The following ROBO1 variants were observed in gnomAD, a reference collection of about 807,000 sequenced individuals.
ROBO1 encodes the protein roundabout guidance receptor 1, also known as roundabout homolog 1.
In ROBO1, 149 loss-of-function variants were observed where a neutral mutation model predicts 195.9. The ratio of observed to expected loss-of-function variants is 0.76; its 90% confidence interval spans 0.67 to 0.87. ROBO1 has a LOEUF of 0.87. Ranked by LOEUF, ROBO1 falls within the 40% of genes least tolerant of loss-of-function variation. The pLI is 0.00. For synonymous variants in ROBO1, 816 were observed against 733.2 expected (o/e 1.11, Z -1.82); for missense variants, 1,933 against 2,068.3 (o/e 0.93, Z 1.27).
Position 79,297,383 on chromosome 3 carries a change from T to C in ROBO1, c.89-171844A>G, listed in dbSNP as rs373313185. 1.6e-4 allele frequency among the ~76,000 whole-genome samples: 24 copies of C among 152,280 alleles called. No individual in the cohort carries two copies. The South Asian group carries it at 5.0e-3, about 32-fold the overall frequency. On this transcript the variant is annotated intron_variant, in intron 2 of 30. Coordinates refer to ENST00000464233, the MANE Select transcript of ROBO1 (RefSeq NM_002941.4). ...TGATTCACAGTGCTATAGGGACAAT[T>C]ACATAACTGTTTGACTTTTGCAAAA...
At chr3:79,144,763 T>C (rs947213839) in intron 2 of ROBO1, among the ~76,000 whole-genome samples, 1 of 152,014 alleles carries the variant, frequency 6.6e-6, no homozygotes, top group Non-Finnish European at 1.5e-5. Flanking sequence ...CCTTTTTCCA[T>C]TAATGGTAGC....
chr3:78,651,715 C>T lies in ROBO1; in HGVS notation c.2812+17G>A, dbSNP rs551849111. ...TTTATAAACATTAAAATATGAAAAC[C>T]TTGGGAAAGCTAATACCTTTTCTGA... On this transcript the variant is annotated intron_variant, in intron 19 of 30. Transcript: ENST00000464233. The T allele has an allele frequency of 4.5e-5, 68 of 1,520,616 alleles. No individual in the cohort carries two copies. The highest frequency in any genetic ancestry group is 5.7e-5 in the Non-Finnish European group (65 of 1,131,774). The allele number at this position is 1,520,616 out of a possible 1,614,324, so 94.2% of individuals were successfully genotyped here.
intron 1 of ROBO1, among the ~76,000 whole-genome samples, chr3:79,732,260 C>A (rs1374988315): frequency 6.6e-6 from 1 of 151,576 alleles, no homozygotes; most frequent in African/African-American, 2.4e-5. Flanking sequence ...ATAAAAATAT[C>A]GTTACACATG....
In ROBO1 at chr3:79,235,211, TA is replaced by T. The variant is rs564033050; in HGVS notation, c.89-109673del. On this transcript the variant is annotated intron_variant, in intron 2 of 30. Coordinates refer to ENST00000464233, the MANE Select transcript of ROBO1 (RefSeq NM_002941.4). ...GTCTTCTTGAATAATGTTTCAAATT[TA>T]TAAAATTATACACAGTAGTCTAAAC... Among the ~76,000 whole-genome samples, 1,369 of 152,258 alleles carry T rather than the reference TA, an allele frequency of 9.0e-3. 20 individuals carry two copies. The highest frequency in any genetic ancestry group is 0.031 in the African/African-American group (1,293 of 41,556).
At position 79,248,519 on chromosome 3, in the gene ROBO1, T is replaced by G. The variant is rs370161446; in HGVS notation, c.89-122980A>C. On this transcript the variant is annotated intron_variant, in intron 2 of 30. Coordinates refer to ENST00000464233, the MANE Select transcript of ROBO1 (RefSeq NM_002941.4). The stretch of plus-strand genomic sequence containing the variant: ...CTTCATGCAGAATAAATACGTGGTG[T>G]GGCATTTTGATTTTATTCTAAGTCT... 2.6e-5 allele frequency among the ~76,000 whole-genome samples: 4 copies of G among 152,076 alleles called. No homozygotes were observed. The East Asian group carries it at 7.7e-4, about 29-fold the overall frequency.
chr3:78,739,485 A>C (rs1434903889), intron 5 of ROBO1, among the ~76,000 whole-genome samples: 1 of 152,182 alleles, frequency 6.6e-6, no homozygotes, highest in Non-Finnish European at 1.5e-5. Context: ...CAGTTGAATA[A>C]CTTACTGATT....
chr3:78,813,275 C>A (rs1210436263), intron 4 of ROBO1, among the ~76,000 whole-genome samples: 2 of 151,636 alleles, frequency 1.3e-5, no homozygotes, highest in African/African-American at 4.8e-5. Context: ...ACTTTGATAA[C>A]AAAATGAATA....
At chr3:79,221,014 T>TA (rs144646492) in intron 2 of ROBO1, among the ~76,000 whole-genome samples, 3,327 of 152,110 alleles carry the variant, frequency 0.022, 113 homozygotes, top group African/African-American at 0.074. Context: ...ATCCAGACAT[T>TA]ACCAAATGCT....
chr3:79,018,259 C>A lies in ROBO1; in HGVS notation c.173-79332G>T, dbSNP rs1027674827. On this transcript the variant is annotated intron_variant, in intron 3 of 30. Transcript: ENST00000464233. ...GACAACCCCAAATGCGAACTAGGAA[C>A]ATTTTCGCCTAAAAGTCTAGCAGGA... 14 of 877,680 alleles carry A rather than the reference C, an allele frequency of 1.6e-5. No individual in the cohort carries two copies. The African/African-American group carries it at 2.2e-4, about 14-fold the overall frequency. The allele number at this position is 877,680 out of a possible 1,614,324, so 54.4% of individuals were successfully genotyped here.
chr3:79,270,995 T>C (rs1165946413), intron 2 of ROBO1, among the ~76,000 whole-genome samples: 1 of 151,984 alleles, frequency 6.6e-6, no homozygotes, highest in Non-Finnish European at 1.5e-5. Context: ...CATGATTCTT[T>C]ATATTAACCT....
intron 4 of ROBO1, among the ~76,000 whole-genome samples, chr3:78,808,686 A>G (rs1327664948): frequency 6.6e-6 from 1 of 152,220 alleles, no homozygotes; most frequent in Non-Finnish European, 1.5e-5. Context: ...CCTCAGAAAT[A>G]ACACCACGCA....
intron 4 of ROBO1, among the ~76,000 whole-genome samples, chr3:78,782,250 G>A (rs531221771): frequency 6.6e-6 from 1 of 151,780 alleles, no homozygotes; most frequent in Non-Finnish European, 1.5e-5. Context: ...AGACTGGAGT[G>A]TAGCAGTACA....
intron 2 of ROBO1, among the ~76,000 whole-genome samples, chr3:79,487,002 T>C (rs767189822): frequency 5.9e-5 from 9 of 152,110 alleles, no homozygotes; most frequent in African/African-American, 1.7e-4. Context: ...TTGTTTCCCA[T>C]ATATTTGCCA....
intron 2 of ROBO1, among the ~76,000 whole-genome samples, chr3:79,449,467 T>C (rs2039374860): frequency 6.6e-6 from 1 of 152,094 alleles, no homozygotes. Flanking sequence ...TAAAAAAGAA[T>C]ATATTTATAG....
intron 1 of ROBO1, among the ~76,000 whole-genome samples, chr3:79,750,282 G>A (rs892552688): frequency 1.3e-5 from 2 of 152,196 alleles, no homozygotes; most frequent in Non-Finnish European, 2.9e-5. Context: ...ATTGTATCTA[G>A]GAAGTAACTA....
intron 3 of ROBO1, among the ~76,000 whole-genome samples, chr3:79,060,228 A>T (rs1426747733): frequency 7.9e-5 from 12 of 151,916 alleles, no homozygotes; most frequent in Admixed American, 7.9e-4. Context: ...TCCTGTTAAG[A>T]TGTTTATCAA....
intron 2 of ROBO1, among the ~76,000 whole-genome samples, chr3:79,548,522 C>A (rs1380059436): frequency 6.6e-6 from 1 of 152,186 alleles, no homozygotes; most frequent in Non-Finnish European, 1.5e-5. Flanking sequence ...ATGAATAGAA[C>A]AGTTGCTTAT....
intron 2 of ROBO1, among the ~76,000 whole-genome samples, chr3:79,518,672 T>TTTATTA (rs200268209): frequency 7.0e-4 from 106 of 151,484 alleles, no homozygotes; most frequent in African/African-American, 2.4e-3. Context: ...CTCCAAATCT[T>TTTATTA]TTATTATTAT....
chr3:79,696,545 A>G (rs900815395), intron 1 of ROBO1, among the ~76,000 whole-genome samples: 2 of 151,024 alleles, frequency 1.3e-5, no homozygotes, highest in Non-Finnish European at 3.0e-5. Flanking sequence ...TGAATCTTGT[A>G]TAACAAATTG....
Sources: gnomAD v4.1 joint callset for allele counts (sites outside exome capture counted in the v4.1 genomes callset) on GRCh38, gnomAD v4.1.1 for gene constraint, MANE v1.5 for transcripts, NCBI Gene and HGNC (gene_info 2026-07-23, HGNC 2026-07-21) for gene names.